The following SLC35B4 variants were observed in gnomAD, a reference collection of about 807,000 sequenced individuals.
SLC35B4 encodes the protein nucleotide sugar transporter SLC35B4.
A neutral mutation model predicts 39.5 loss-of-function variants in SLC35B4; 28 were observed. The observed-to-expected ratio is 0.71, with a 90% CI of 0.53 to 0.97. The LOEUF (loss-of-function observed/expected upper bound fraction) is 0.97. Among genes scored for constraint, SLC35B4 ranks in the 50% least tolerant of loss-of-function variants. The pLI is 0.00. For synonymous variants in SLC35B4, 145 were observed against 150.4 expected, an observed-to-expected ratio of 0.96 and a Z score of 0.26; for missense variants, 334 against 414.3, an observed-to-expected ratio of 0.81 and a Z score of 1.68.
At position 134,299,393 on chromosome 7, in the gene SLC35B4, T is replaced by G. The variant is rs1585635806; in HGVS notation, c.673+130A>C. The G allele has an allele frequency of 1.1e-5, 6 of 565,880 alleles. No individual in the cohort carries two copies. In the East Asian group the frequency reaches 1.2e-4, roughly 12 times the overall value. The allele number at this position is 565,880 out of a possible 1,614,324, so 35.1% of individuals were successfully genotyped here. A position where few individuals can be genotyped will look rare whatever the true frequency, so the allele number is the denominator to read the frequency against. On this transcript the variant is annotated intron_variant, in intron 8 of 9. Coordinates refer to ENST00000378509, the MANE Select transcript of SLC35B4 (RefSeq NM_032826.5). The stretch of plus-strand genomic sequence containing the variant: ...CTGCTGCAATGACTGGAAAGTGGAA[T>G]GGAGACATTTTCGAAAGGAACACAT...
At chr7:134,319,702 C>A (rs1234956380), upstream of SLC35B4, among the ~76,000 whole-genome samples, 1 of 152,200 alleles carries the variant, frequency 6.6e-6, no homozygotes, top group Non-Finnish European at 1.5e-5. Flanking sequence ...AACCCCTCAC[C>A]ATTAGGGCAT....
chr7:134,313,340 G>A (rs138536084), intron 1 of SLC35B4, among the ~76,000 whole-genome samples: 34 of 152,274 alleles, frequency 2.2e-4, no homozygotes, highest in African/African-American at 6.7e-4. Flanking sequence ...CGTTTATGCC[G>A]TTTGCATTTC....
rs1803991673 is a variant in SLC35B4, at chr7:134,316,715, C to CT, written c.36dup (p.Gly13ArgfsTer5). 1 of 1,550,418 alleles carries CT rather than the reference C, an allele frequency of 6.4e-7. No homozygotes were observed. The highest frequency in any genetic ancestry group is 2.0e-5 in the Admixed American group (1 of 50,986). ...AGGAAGATCACGTTACTGCAGCAGC[C>CT]TGCGAACACCAGGCCCACCGCCAAG... On this transcript the variant is annotated frameshift_variant, in exon 1 of 10. Transcript: ENST00000378509. LOFTEE classifies it high-confidence loss of function.
chr7:134,303,805 C>G (rs1263140474), intron 4 of SLC35B4, among the ~76,000 whole-genome samples: 1 of 152,134 alleles, frequency 6.6e-6, no homozygotes, highest in African/African-American at 2.4e-5. Context: ...TTGCTAACAT[C>G]CTTCCTCCTT....
intron 6 of SLC35B4, 61 bp from the exon 7 acceptor site, chr7:134,300,322 T>A: frequency 8.3e-7 from 1 of 1,206,458 alleles, no homozygotes; most frequent in Non-Finnish European, 1.2e-6. Flanking sequence ...ATGTTTTTCT[T>A]GAAGAACATT....
chr7:134,314,627 C>G (rs1239841312), intron 1 of SLC35B4, among the ~76,000 whole-genome samples: 1 of 152,144 alleles, frequency 6.6e-6, no homozygotes, highest in Non-Finnish European at 1.5e-5. Context: ...CCTCCACCTC[C>G]CGGGTTCTAA....
chr7:134,289,753 G>T lies in SLC35B4; in HGVS notation c.*5080C>A, dbSNP rs1254423745. On this transcript the variant is annotated 3_prime_UTR_variant, in exon 10 of 10. Coordinates refer to ENST00000378509, the MANE Select transcript of SLC35B4 (RefSeq NM_032826.5). The stretch of plus-strand genomic sequence containing the variant: ...GGGAATAACCACTACTGCTCTCTTT[G>T]GTTCACAAGAGTCATCTATGCATTT... 2.0e-5 allele frequency: 3 copies of T among 152,128 alleles called. No individual in the cohort carries two copies. The highest frequency in any genetic ancestry group is 4.4e-5 in the Non-Finnish European group (3 of 68,022). 9.4% of individuals were successfully genotyped at this position (152,128 alleles called of 1,614,324 possible).
At chr7:134,316,984 C>T, upstream of SLC35B4, 2 of 554,510 alleles carry the variant, frequency 3.6e-6, no homozygotes, top group Non-Finnish European at 6.4e-6. Flanking sequence ...GGCGTCCGAG[C>T]CCCGGCCAGA....
intron 3 of SLC35B4, 88 bp downstream of exon 3, chr7:134,306,584 A>G: frequency 1.8e-6 from 2 of 1,100,588 alleles, no homozygotes; most frequent in Non-Finnish European, 1.3e-6. Flanking sequence ...ACTTACTACA[A>G]GAACCTTCTA....
At chr7:134,295,283 C>T (rs762229536) in intron 9 of SLC35B4, 6 of 560,342 alleles carry the variant, frequency 1.1e-5, no homozygotes, top group African/African-American at 1.9e-5. Flanking sequence ...AATTTGAAAC[C>T]GCCAAAAAAC....
intron 1 of SLC35B4, 107 bp downstream of exon 1, chr7:134,316,567 TG>T: frequency 8.4e-7 from 1 of 1,186,214 alleles, no homozygotes; most frequent in Middle Eastern, 2.8e-4. Context: ...CCGGGCTCCG[TG>T]GGCGGCGGGG....
rs914968163 is a variant in SLC35B4, at chr7:134,316,836, C to T, written c.-85G>A. 6 of 1,351,918 alleles carry T rather than the reference C, an allele frequency of 4.4e-6. No homozygotes were observed. The highest frequency in any genetic ancestry group is 2.0e-6 in the Non-Finnish European group (2 of 979,098). 83.7% of individuals were successfully genotyped at this position (1,351,918 alleles called of 1,614,324 possible). A position where few individuals can be genotyped will look rare whatever the true frequency, so the allele number is the denominator to read the frequency against. On this transcript the variant is annotated 5_prime_UTR_variant, in exon 1 of 10. Coordinates refer to ENST00000378509, the MANE Select transcript of SLC35B4 (RefSeq NM_032826.5). ...CCAGGAAGCCGGCCTCCTGCCTCTT[C>T]GCTGCGCAGCACATCGCACCGTCCT...
intron 1 of SLC35B4, 78 bp downstream of exon 1, chr7:134,316,597 G>C: frequency 6.9e-7 from 1 of 1,445,292 alleles, no homozygotes; most frequent in Non-Finnish European, 9.4e-7. Flanking sequence ...GGGCGTGGGC[G>C]CGTCCCGGGG....
chr7:134,296,625 A>G (rs540523808), intron 8 of SLC35B4, among the ~76,000 whole-genome samples, 159 bp from the exon 9 acceptor site: 1 of 152,384 alleles, frequency 6.6e-6, no homozygotes, highest in Admixed American at 6.5e-5. Context: ...CCTTGACTCC[A>G]GGCTATAGCA....
upstream of SLC35B4, chr7:134,317,080 G>A (rs1804006258): frequency 1.7e-5 from 5 of 291,598 alleles, no homozygotes; most frequent in Non-Finnish European, 3.2e-5. Flanking sequence ...GAGGACAGGG[G>A]GACGAGGTGC....
At chr7:134,302,151 G>C in intron 4 of SLC35B4, 41 bp from the exon 5 acceptor site, 2 of 1,496,204 alleles carry the variant, frequency 1.3e-6, no homozygotes, top group Admixed American at 3.7e-5. Flanking sequence ...CCTTAGGAAA[G>C]CACAGATATG....
At chr7:134,302,385 C>A (rs1168289661) in intron 4 of SLC35B4, among the ~76,000 whole-genome samples, 1 of 152,146 alleles carries the variant, frequency 6.6e-6, no homozygotes, top group Non-Finnish European at 1.5e-5. Flanking sequence ...CAGAAATAGA[C>A]CAGATGTGAT....
Position 134,302,090 on chromosome 7 carries a change from G to A in SLC35B4, c.365C>T (p.Thr122Ile), listed in dbSNP as rs1287737674. Residue 122 changes from threonine (T) to isoleucine (I), a missense_variant, in exon 5 of 10, where the codon ACC (threonine) becomes ATC (isoleucine). Transcript: ENST00000378509. The part of the protein sequence containing the change: ...LKKRYSIFKY[T>I]SIALVSVGIF... ...CCCCACAGACACCAGGGCAATGGAG[G>A]TATATTTGAATATACTGTATCTGCA... 6.2e-7 allele frequency: 1 copy of A among 1,613,198 alleles called. No individual in the cohort carries two copies. The highest frequency in any genetic ancestry group is 1.7e-5 in the Admixed American group (1 of 59,916).
At chr7:134,296,903 C>A (rs968682847) in intron 8 of SLC35B4, among the ~76,000 whole-genome samples, 1 of 152,202 alleles carries the variant, frequency 6.6e-6, no homozygotes. Flanking sequence ...TTTATAGCTA[C>A]AAAATTAGCA....
Sources: allele counts gnomAD v4.1 joint callset (sites outside exome capture counted in the v4.1 genomes callset), GRCh38; gene constraint gnomAD v4.1.1; transcripts MANE v1.5; gene names NCBI Gene and HGNC (gene_info 2026-07-23, HGNC 2026-07-21).